INMT: variants seen among roughly 807,000 people sequenced by gnomAD.
The protein encoded by INMT is indolethylamine N-methyltransferase.
In INMT, 11 loss-of-function variants were observed where a neutral mutation model predicts 11.5. The ratio of observed to expected loss-of-function variants is 0.95; its 90% CI spans 0.60 to 1.58. The LOEUF is 1.58. Among genes scored for constraint, INMT ranks in the 40% most tolerant of loss-of-function variants. The pLI is 0.00. For synonymous variants in INMT, 155 were observed against 142.9 expected, an observed-to-expected ratio of 1.08 and a Z score of -0.60; for missense variants, 316 against 336.1, an observed-to-expected ratio of 0.94 and a Z score of 0.47.
In INMT at chr7:30,755,809, T is replaced by C. The variant is rs1384606481; in HGVS notation, c.750T>C (p.Asn250=). ...ACTCTGTCACCAATGCTGCCAACAATGGGGTCTGCTTCATTGTGGCTCGCA... is the reference window on the plus strand; with the variant it reads ...ACTCTGTCACCAATGCTGCCAACAACGGGGTCTGCTTCATTGTGGCTCGCA... ...QSYSVTNAAN[N]GVCFIVARKK... is the part of the protein sequence containing the mutation. The change falls in exon 3 of 3, where the codon AAT becomes AAC. Residue 250 remains asparagine (N), a synonymous_variant. Coordinates refer to ENST00000013222, the MANE Select transcript of INMT (RefSeq NM_006774.5). 1 of 1,613,684 alleles carries C rather than the reference T, an allele frequency of 6.2e-7. No homozygotes were observed. The highest frequency in any genetic ancestry group is 8.5e-7 in the Non-Finnish European group (1 of 1,179,694).
chr7:30,755,523 C>G lies in INMT; in HGVS notation c.464C>G (p.Pro155Arg). 6.2e-7 allele frequency: 1 copy of G among 1,609,710 alleles called. No individual in the cohort carries two copies. Among genetic ancestry groups the G allele is most frequent in the Non-Finnish European group, 8.5e-7 (1 of 1,180,002 alleles). The change falls in exon 3 of 3, where the codon CCT becomes CGT. Residue 155 changes from proline (P) to arginine (R), a missense_variant. Transcript: ENST00000013222. ...LGNPLAPAVL[P>R]LADCVLTLLA... ...AACCCGCTGGCCCCGGCTGTGTTGCCTCTCGCCGACTGTGTGCTCACCCTG... is the reference window on the plus strand; with the variant it reads ...AACCCGCTGGCCCCGGCTGTGTTGCGTCTCGCCGACTGTGTGCTCACCCTG...
rs182944908 is a variant in INMT at position 30,756,282 on chromosome 7, C to T, written c.*431C>T. The T allele has an allele frequency of 1.1e-6, 1 of 948,180 alleles. No homozygotes were observed. Among genetic ancestry groups the T allele is most frequent in the Non-Finnish European group, 1.3e-6 (1 of 794,368 alleles). The allele number at this position is 948,180 out of a possible 1,614,324, so 58.7% of individuals were successfully genotyped here. On this transcript the variant is annotated 3_prime_UTR_variant, in exon 3 of 3. Coordinates refer to ENST00000013222, the MANE Select transcript of INMT (RefSeq NM_006774.5). ...ACGGAGTCTGGCTCTGTCACCCAGG[C>T]TAGAGTGCAATGGCACGATCTCGGC...
intron 1 of INMT, among the ~76,000 whole-genome samples, chr7:30,752,823 G>A (rs958118059): frequency 1.3e-5 from 2 of 152,196 alleles, no homozygotes; most frequent in Non-Finnish European, 1.5e-5. Context: ...CCTCAACTGA[G>A]CCATCTGCAC....
chr7:30,756,955 T>A lies in INMT; in HGVS notation c.*1104T>A, dbSNP rs2128160924. On this transcript the variant is annotated 3_prime_UTR_variant, in exon 3 of 3. Coordinates refer to ENST00000013222, the MANE Select transcript of INMT (RefSeq NM_006774.5). The stretch of plus-strand genomic sequence containing the variant: ...ATACAGACTGCCCCAGTTCATTGAA[T>A]TTTAGATAAATGAAATAAATCTATA... 6.6e-6 allele frequency: 1 copy of A among 152,364 alleles called. No individual in the cohort carries two copies. The highest frequency in any genetic ancestry group is 2.1e-4 in the South Asian group (1 of 4,824). The allele number at this position is 152,364 out of a possible 1,614,324, so 9.4% of individuals were successfully genotyped here. A position where few individuals can be genotyped will look rare whatever the true frequency, so the allele number is the denominator to read the frequency against.
chr7:30,755,735 C>G lies in INMT; in HGVS notation c.676C>G (p.Leu226Val). Residue 226 changes from leucine to valine, a missense_variant, in exon 3 of 3, where the codon CTG (leucine) becomes GTG (valine). Leu to Val is a conservative substitution (Grantham distance 32, BLOSUM62 1). Coordinates refer to ENST00000013222, the MANE Select transcript of INMT (RefSeq NM_006774.5). Reference sequence around the variant, plus strand: ...GAAAGAGGAGGTGGAGCAGGCTGTCCTGGATGCTGGCTTTGACATTGAACA... The same window carrying G: ...GAAAGAGGAGGTGGAGCAGGCTGTCGTGGATGCTGGCTTTGACATTGAACA... ...LEKEEVEQAVLDAGFDIEQLL... is the reference protein window; with the variant it reads ...LEKEEVEQAVVDAGFDIEQLL... The G allele has an allele frequency of 6.2e-7, 1 of 1,614,224 alleles. No individual in the cohort carries two copies. Among genetic ancestry groups the G allele is most frequent in the Non-Finnish European group, 8.5e-7 (1 of 1,180,026 alleles).
chr7:30,755,692 T>C lies in INMT; in HGVS notation c.633T>C (p.Phe211=). 1 of 1,614,204 alleles carries C rather than the reference T, an allele frequency of 6.2e-7. No homozygotes were observed. Among genetic ancestry groups the C allele is most frequent in the Non-Finnish European group, 8.5e-7 (1 of 1,180,008 alleles). ...CCTACATGGTGGGGAAGCGTGAATT[T>C]TCCTGCGTGGCCCTGGAGAAAGAGG... is the stretch of plus-strand genomic sequence containing the variant. ...LPSYMVGKRE[F]SCVALEKEEV... Residue 211 remains phenylalanine, a synonymous_variant, in exon 3 of 3, where the codon TTT becomes TTC. Coordinates refer to ENST00000013222, the MANE Select transcript of INMT (RefSeq NM_006774.5).
In INMT at chr7:30,756,352, C is replaced by T. The variant is rs558306830; in HGVS notation, c.*501C>T. 581 of 319,868 alleles carry T rather than the reference C, an allele frequency of 1.8e-3. 2 individuals carry two copies. Among genetic ancestry groups the T allele is most frequent in the Middle Eastern group, 3.3e-3 (2 of 602 alleles). The allele number at this position is 319,868 out of a possible 1,614,324, so 19.8% of individuals were successfully genotyped here. A position where few individuals can be genotyped will look rare whatever the true frequency, so the allele number is the denominator to read the frequency against. ...CTGGGTTGACGCCATTCTCCTGCCTCAGCCTCCCGAGTAGCTGGGACTACA... is the reference window on the plus strand; with the variant it reads ...CTGGGTTGACGCCATTCTCCTGCCTTAGCCTCCCGAGTAGCTGGGACTACA... On this transcript the variant is annotated 3_prime_UTR_variant, in exon 3 of 3. Transcript: ENST00000013222.
At chr7:30,755,287 G>C in intron 2 of INMT, 135 bp from the exon 3 acceptor site, 2 of 741,834 alleles carry the variant, frequency 2.7e-6, no homozygotes, top group Non-Finnish European at 4.3e-6. Context: ...AGAGCCTGCT[G>C]TCAGGTCACA....
chr7:30,755,034 C>G (rs1386064349), intron 2 of INMT, among the ~76,000 whole-genome samples: 1 of 152,100 alleles, frequency 6.6e-6, no homozygotes. Flanking sequence ...TTTCATCACT[C>G]AAAATTATAT....
Position 30,756,170 on chromosome 7 carries a change from A to G in INMT, c.*319A>G, listed in dbSNP as rs1030153492. 9.1e-7 allele frequency: 1 copy of G among 1,101,708 alleles called. No homozygotes were observed. The highest frequency in any genetic ancestry group is 1.1e-6 in the Non-Finnish European group (1 of 903,302). 68.2% of individuals were successfully genotyped at this position (1,101,708 alleles called of 1,614,324 possible). On this transcript the variant is annotated 3_prime_UTR_variant, in exon 3 of 3. Coordinates refer to ENST00000013222, the MANE Select transcript of INMT (RefSeq NM_006774.5). Reference sequence around the variant, plus strand: ...GAGTCTACCTAATATGTTAAGGACAAGGAAACCTCTGAGTCTACCTAATAT... The same window carrying G: ...GAGTCTACCTAATATGTTAAGGACAGGGAAACCTCTGAGTCTACCTAATAT...
In INMT at chr7:30,756,045, G is replaced by C. The variant is rs1584200068; in HGVS notation, c.*194G>C. On this transcript the variant is annotated 3_prime_UTR_variant, in exon 3 of 3. Coordinates refer to ENST00000013222, the MANE Select transcript of INMT (RefSeq NM_006774.5). ...CAACATTCCTCATTCTAGGATCCTAGGAGTGGAATTTTCCATTTTCTAATA... is the reference window on the plus strand; with the variant it reads ...CAACATTCCTCATTCTAGGATCCTACGAGTGGAATTTTCCATTTTCTAATA... 1 of 1,403,228 alleles carries C rather than the reference G, an allele frequency of 7.1e-7. No homozygotes were observed. The allele number at this position is 1,403,228 out of a possible 1,614,324, so 86.9% of individuals were successfully genotyped here. A position where few individuals can be genotyped will look rare whatever the true frequency, so the allele number is the denominator to read the frequency against.
chr7:30,755,096 T>C (rs909423408), intron 2 of INMT, among the ~76,000 whole-genome samples: 1 of 151,916 alleles, frequency 6.6e-6, no homozygotes, highest in Admixed American at 6.6e-5. Flanking sequence ...ATTAATTCAT[T>C]CATCCATCCA....
rs775738200 is a variant in INMT at position 30,753,755 on chromosome 7, T to C, written c.179T>C (p.Ile60Thr). ...GPGGLQGDTLIDIGSGPTIYQ... is the reference protein window; with the variant it reads ...GPGGLQGDTLTDIGSGPTIYQ... ...GGAGGCCTCCAAGGGGACACGCTGATTGACATTGGCTCAGGTCCTACCATC... is the reference window on the plus strand; with the variant it reads ...GGAGGCCTCCAAGGGGACACGCTGACTGACATTGGCTCAGGTCCTACCATC... The change falls in exon 2 of 3, where the codon ATT becomes ACT. Residue 60 changes from isoleucine (I) to threonine (T), a missense_variant. Transcript: ENST00000013222. 27 of 1,614,212 alleles carry C rather than the reference T, an allele frequency of 1.7e-5. No individual in the cohort carries two copies. The South Asian group carries it at 3.0e-4, about 18-fold the overall frequency.
chr7:30,755,814 T>C lies in INMT; in HGVS notation c.755T>C (p.Val252Ala). The change falls in exon 3 of 3, where the codon GTC becomes GCC. Residue 252 changes from valine to alanine, a missense_variant. Coordinates refer to ENST00000013222, the MANE Select transcript of INMT (RefSeq NM_006774.5). ...YSVTNAANNG[V>A]CFIVARKKPG... The stretch of plus-strand genomic sequence containing the variant: ...GTCACCAATGCTGCCAACAATGGGG[T>C]CTGCTTCATTGTGGCTCGCAAGAAG... 1 of 1,612,982 alleles carries C rather than the reference T, an allele frequency of 6.2e-7. No individual in the cohort carries two copies. Among genetic ancestry groups the C allele is most frequent in the Non-Finnish European group, 8.5e-7 (1 of 1,179,138 alleles).
rs375212648 is a variant in INMT, at chr7:30,755,658, G to T, written c.599G>T (p.Arg200Leu). The T allele has an allele frequency of 6.2e-7, 1 of 1,614,176 alleles. No homozygotes were observed. Among genetic ancestry groups the T allele is most frequent in the East Asian group, 2.2e-5 (1 of 44,878 alleles). The change falls in exon 3 of 3, where the codon CGG (arginine) becomes CTG (leucine). Residue 200 changes from arginine to leucine, a missense_variant. Arg to Leu is a moderately radical substitution (Grantham distance 102, BLOSUM62 -2). Coordinates refer to ENST00000013222, the MANE Select transcript of INMT (RefSeq NM_006774.5). ...CACCTGGTGACCACTGTCACGCTTCGGCTCCCGTCCTACATGGTGGGGAAG... is the reference window on the plus strand; with the variant it reads ...CACCTGGTGACCACTGTCACGCTTCTGCTCCCGTCCTACATGGTGGGGAAG... The part of the protein sequence containing the change: ...GGHLVTTVTL[R>L]LPSYMVGKRE...
chr7:30,752,219 TTACTACA>T lies in INMT; in HGVS notation c.70_76del (p.Tyr24AlafsTer13). On this transcript the variant is annotated frameshift_variant, in exon 1 of 3. Transcript: ENST00000013222. LOFTEE classifies it high-confidence loss of function. ...TCCTGCCCAGGGACTACTTGGCTACTTACTACAGCTTCGATGGCAGCCCCTCACCCGA... is the reference window on the plus strand; with the variant it reads ...TCCTGCCCAGGGACTACTTGGCTACTGCTTCGATGGCAGCCCCTCACCCGA... The T allele has an allele frequency of 6.2e-7, 1 of 1,614,078 alleles. No homozygotes were observed. The highest frequency in any genetic ancestry group is 8.5e-7 in the Non-Finnish European group (1 of 1,179,972).
At chr7:30,752,986 G>A (rs1252465182) in intron 1 of INMT, among the ~76,000 whole-genome samples, 1 of 152,212 alleles carries the variant, frequency 6.6e-6, no homozygotes, top group East Asian at 1.9e-4. Context: ...GGTGGTCTGT[G>A]GGATAAGAGG....
intron 1 of INMT, 94 bp from the exon 2 acceptor site, chr7:30,753,637 C>T (rs900862815): frequency 1.7e-6 from 2 of 1,156,724 alleles, no homozygotes; most frequent in Non-Finnish European, 1.3e-6. Context: ...CACGTTTGCC[C>T]CTTGGGTAAG....
rs954809950 is a variant in INMT, at chr7:30,755,482, C to G, written c.423C>G (p.Cys141Trp). The stretch of plus-strand genomic sequence containing the variant: ...CAGCGGTGAAGCGGGTGCTCAAGTG[C>G]GATGTCCACCTGGGCAACCCGCTGG... ...LRAAVKRVLK[C>W]DVHLGNPLAP... The change falls in exon 3 of 3, where the codon TGC (cysteine) becomes TGG (tryptophan). Residue 141 changes from cysteine (C) to tryptophan (W), a missense_variant. Transcript: ENST00000013222. The G allele has an allele frequency of 3.1e-6, 5 of 1,602,366 alleles. No homozygotes were observed. Among genetic ancestry groups the G allele is most frequent in the Non-Finnish European group, 4.2e-6 (5 of 1,179,948 alleles).
Sources: gnomAD v4.1 joint callset for allele counts (sites outside exome capture counted in the v4.1 genomes callset) on GRCh38, gnomAD v4.1.1 for gene constraint, MANE v1.5 for transcripts, NCBI Gene and HGNC (gene_info 2026-07-23, HGNC 2026-07-21) for gene names.